DOCK3: variants seen among roughly 807,000 people sequenced by gnomAD.
The protein encoded by DOCK3 is dedicator of cytokinesis 3, also known as dedicator of cytokinesis protein 3.
In DOCK3, 60 loss-of-function variants were observed where a neutral mutation model predicts 265.6. The ratio of observed to expected loss-of-function variants is 0.23; its 90% CI spans 0.18 to 0.28. The LOEUF is 0.28. Among genes scored for constraint, DOCK3 ranks in the 10% least tolerant of loss-of-function variants. DOCK3 has a pLI of 1.00. For synonymous variants in DOCK3, 881 were observed against 938.0 expected (o/e 0.94, Z 1.11); for missense variants, 1,981 against 2,594.3 (o/e 0.76, Z 5.14).
In DOCK3 at chr3:51,362,687, G is replaced by C. The variant is rs1394793288; in HGVS notation, c.5293+13G>C. 6.2e-7 allele frequency: 1 copy of C among 1,611,634 alleles called. No homozygotes were observed. The highest frequency in any genetic ancestry group is 2.2e-5 in the East Asian group (1 of 44,748). On this transcript the variant is annotated intron_variant, in intron 49 of 52. Transcript: ENST00000266037. ...TCCAGTGCCCGAGGTAAGGATGGCA[G>C]GGTGCTACTTGCAGAATGGAGAAGA...
chr3:50,805,266 T>G (rs927483586), intron 2 of DOCK3, among the ~76,000 whole-genome samples: 3 of 152,156 alleles, frequency 2.0e-5, no homozygotes, highest in Non-Finnish European at 4.4e-5. Context: ...AGTAGTGGAA[T>G]TTGCATGTTT....
intron 5 of DOCK3, among the ~76,000 whole-genome samples, chr3:51,062,377 CA>C (rs2081440743): frequency 6.6e-6 from 1 of 152,192 alleles, no homozygotes; most frequent in African/African-American, 2.4e-5. Flanking sequence ...ACTTCCACCT[CA>C]AGGCCTTTGC....
intron 4 of DOCK3, among the ~76,000 whole-genome samples, chr3:50,926,695 A>T (rs1289761120): frequency 6.6e-6 from 1 of 152,218 alleles, no homozygotes; most frequent in Non-Finnish European, 1.5e-5. Context: ...AGTAGGAAAG[A>T]TGTGAGCACG....
At chr3:50,826,763 A>G (rs1371728132) in intron 2 of DOCK3, among the ~76,000 whole-genome samples, 1 of 152,228 alleles carries the variant, frequency 6.6e-6, no homozygotes, top group African/African-American at 2.4e-5. Context: ...TAAAAATATG[A>G]TAGCAAGAAT....
chr3:51,202,986 C>G (rs2088903767), intron 12 of DOCK3, among the ~76,000 whole-genome samples: 1 of 152,208 alleles, frequency 6.6e-6, no homozygotes, highest in Admixed American at 6.5e-5. Flanking sequence ...GCTAAAGACT[C>G]TCAATAAATT....
chr3:51,049,423 T>G (rs2080904968), intron 5 of DOCK3, among the ~76,000 whole-genome samples: 1 of 152,204 alleles, frequency 6.6e-6, no homozygotes, highest in African/African-American at 2.4e-5. Context: ...TTGAGGGACC[T>G]GGAAGTTGGT....
intron 3 of DOCK3, among the ~76,000 whole-genome samples, chr3:50,858,445 T>TAATAATAATAATAAA: frequency 8.2e-6 from 1 of 122,176 alleles, no homozygotes; most frequent in African/African-American, 2.7e-5. Context: ...ATAATAATAA[T>TAATAATAATAATAAA]AATAATAAAA....
rs774115768 is a variant in DOCK3, at chr3:51,246,766, G to A, written c.2143G>A (p.Ala715Thr). ...RCLKWYMDCSAELIRQDHIQE... is the reference protein window; with the variant it reads ...RCLKWYMDCSTELIRQDHIQE... ...TTTGAAGTGGTATATGGACTGCTCA[G>A]CAGAACTGATTCGACAGGACCACAT... The change falls in exon 22 of 53, where the codon GCA (alanine) becomes ACA (threonine). Residue 715 changes from alanine to threonine, a missense_variant. By Grantham distance (58) the Ala-to-Thr change is moderately conservative (BLOSUM62 0). Transcript: ENST00000266037. 50 of 1,613,478 alleles carry A rather than the reference G, an allele frequency of 3.1e-5. No homozygotes were observed. The Admixed American group carries it at 8.2e-4, about 26-fold the overall frequency.
intron 32 of DOCK3, among the ~76,000 whole-genome samples, chr3:51,316,272 T>A (rs1189547886): frequency 6.6e-6 from 1 of 152,230 alleles, no homozygotes; most frequent in East Asian, 1.9e-4. Flanking sequence ...CTGGCCCCTT[T>A]CACTTAGCAT....
At chr3:51,053,068 A>T (rs1231601422) in intron 5 of DOCK3, among the ~76,000 whole-genome samples, 2 of 95,218 alleles carry the variant, frequency 2.1e-5, no homozygotes, top group Admixed American at 2.4e-4. Flanking sequence ...CATCTTTTAA[A>T]AAAGTCAAAG....
intron 3 of DOCK3, among the ~76,000 whole-genome samples, chr3:50,864,478 C>A (rs1275755672): frequency 6.6e-6 from 1 of 151,986 alleles, no homozygotes; most frequent in African/African-American, 2.4e-5. Flanking sequence ...GCTTTTGTTG[C>A]CTGTGATTTT....
intron 22 of DOCK3, among the ~76,000 whole-genome samples, chr3:51,257,526 G>T (rs192766910): frequency 6.6e-6 from 1 of 152,100 alleles, no homozygotes; most frequent in Non-Finnish European, 1.5e-5. Context: ...GCATGTAGGG[G>T]GTGTCATTGT....
chr3:50,879,153 G>T (rs1303856337), intron 3 of DOCK3, among the ~76,000 whole-genome samples: 1 of 152,098 alleles, frequency 6.6e-6, no homozygotes, highest in Non-Finnish European at 1.5e-5. Flanking sequence ...AGGAACAAAT[G>T]GTACTAGCCA....
chr3:51,137,404 T>C (rs2084854717), intron 9 of DOCK3, among the ~76,000 whole-genome samples: 1 of 152,210 alleles, frequency 6.6e-6, no homozygotes, highest in Non-Finnish European at 1.5e-5. Context: ...AGAATTCCTC[T>C]AAATTTATTT....
At chr3:51,253,813 A>G (rs1365592907) in intron 22 of DOCK3, among the ~76,000 whole-genome samples, 2 of 152,088 alleles carry the variant, frequency 1.3e-5, no homozygotes, top group East Asian at 3.9e-4. Flanking sequence ...TCAAAAAACC[A>G]GCTCCTGGAT....
intron 43 of DOCK3, 96 bp downstream of exon 43, chr3:51,356,589 C>T (rs992746725): frequency 1.1e-5 from 14 of 1,285,768 alleles, no homozygotes; most frequent in Middle Eastern, 1.9e-4. Context: ...AAGAGAGCGT[C>T]GGCCACCTGC....
chr3:50,943,655 G>A (rs946255240), intron 5 of DOCK3, among the ~76,000 whole-genome samples: 2 of 151,860 alleles, frequency 1.3e-5, no homozygotes, highest in South Asian at 2.1e-4. Context: ...TTTAAATAAC[G>A]AACACAGTGG....
intron 9 of DOCK3, among the ~76,000 whole-genome samples, chr3:51,144,024 T>C (rs565353615): frequency 9.1e-4 from 138 of 152,366 alleles, no homozygotes; most frequent in African/African-American, 3.2e-3. Flanking sequence ...TGTGATACAT[T>C]CAAGTTAATT....
chr3:50,846,607 A>G (rs2046095113), intron 3 of DOCK3, among the ~76,000 whole-genome samples: 2 of 152,170 alleles, frequency 1.3e-5, no homozygotes, highest in South Asian at 4.1e-4. Flanking sequence ...TACATCTAAT[A>G]GAGTTTGGCT....
Sources: allele counts gnomAD v4.1 joint callset (sites outside exome capture counted in the v4.1 genomes callset), GRCh38; gene constraint gnomAD v4.1.1; transcripts MANE v1.5; gene names NCBI Gene and HGNC (gene_info 2026-07-23, HGNC 2026-07-21).